Variants in IGSF21 observed in about 807,000 individuals in gnomAD.
IGSF21 encodes the protein immunoglobin superfamily member 21.
IGSF21 carries 28 observed loss-of-function variants against 46.8 expected under a neutral mutation model. The ratio of observed to expected loss-of-function variants is 0.60; its 90% CI spans 0.44 to 0.82. The LOEUF (loss-of-function observed/expected upper bound fraction) is 0.82. Ranked by LOEUF, IGSF21 falls within the 40% of genes least tolerant of loss-of-function variation. The pLI, the probability that IGSF21 is intolerant of heterozygous loss-of-function variation, is 0.00. For synonymous variants in IGSF21, 284 were observed against 273.6 expected, an observed-to-expected ratio of 1.04 and a Z score of -0.38; for missense variants, 624 against 665.5, an observed-to-expected ratio of 0.94 and a Z score of 0.69.
chr1:18,281,197 A>G (rs2124555724), intron 2 of IGSF21, among the ~76,000 whole-genome samples: 2 of 152,346 alleles, frequency 1.3e-5, no homozygotes, highest in South Asian at 4.1e-4. Flanking sequence ...ATGAATGAAC[A>G]GGTGAGTGAA....
chr1:18,167,000 T>C (rs2124452700), intron 1 of IGSF21: 1 of 153,380 alleles, frequency 6.5e-6, no homozygotes, highest in African/African-American at 2.4e-5. Flanking sequence ...GGAGACTCTG[T>C]TGTGGAAACA....
intron 1 of IGSF21, among the ~76,000 whole-genome samples, chr1:18,128,702 G>A (rs1467286852): frequency 2.0e-5 from 3 of 152,180 alleles, no homozygotes; most frequent in Admixed American, 6.5e-5. Context: ...CTGAGACTCA[G>A]AGATGAAACT....
chr1:18,278,581 T>C (rs995971272), intron 2 of IGSF21, among the ~76,000 whole-genome samples: 1 of 149,624 alleles, frequency 6.7e-6, no homozygotes, highest in African/African-American at 2.5e-5. Context: ...TGAGACAGGG[T>C]CTTGTCCTGT....
At chr1:18,256,709 G>A (rs564216694) in intron 2 of IGSF21, among the ~76,000 whole-genome samples, 2 of 152,164 alleles carry the variant, frequency 1.3e-5, no homozygotes, top group Admixed American at 6.5e-5. Flanking sequence ...AGCTGCTGCC[G>A]TTACCTCCTG....
intron 1 of IGSF21, among the ~76,000 whole-genome samples, chr1:18,132,624 G>T (rs1196197792): frequency 6.6e-6 from 1 of 152,162 alleles, no homozygotes; most frequent in African/African-American, 2.4e-5. Context: ...GGGCTGTCAG[G>T]CAAGGAGGGA....
intron 2 of IGSF21, among the ~76,000 whole-genome samples, chr1:18,288,199 T>C (rs2085233851): frequency 6.6e-6 from 1 of 152,120 alleles, no homozygotes. Context: ...AAATCAGCCT[T>C]GCTTCATGCT....
chr1:18,156,656 G>A (rs372091194), intron 1 of IGSF21, among the ~76,000 whole-genome samples: 1 of 152,196 alleles, frequency 6.6e-6, no homozygotes, highest in Non-Finnish European at 1.5e-5. Context: ...CTCAAATGTT[G>A]AGAAACCAGA....
intron 2 of IGSF21, among the ~76,000 whole-genome samples, chr1:18,276,059 C>T (rs2085100174): frequency 2.0e-5 from 3 of 152,208 alleles, no homozygotes; most frequent in Admixed American, 2.0e-4. Flanking sequence ...CTGTTTCCTG[C>T]TGTGCCCTGC....
chr1:18,362,115 C>T lies in IGSF21; in HGVS notation c.425C>T (p.Ala142Val). 1 of 1,603,536 alleles carries T rather than the reference C, an allele frequency of 6.2e-7. No individual in the cohort carries two copies. Residue 142 changes from alanine (A) to valine (V), a missense_variant and splice_region_variant, in exon 5 of 10, where the codon GCT becomes GTT. Coordinates refer to ENST00000251296, the MANE Select transcript of IGSF21 (RefSeq NM_032880.5). ...ASGNIFLNVM[A>V]PPTSIEVVAA... ...CTTCCTGTGCTTCCTTTTGGGGCAG[C>T]TCCTCCCACCTCCATTGAAGTGGTG... is the stretch of plus-strand genomic sequence containing the variant.
In IGSF21 at chr1:18,246,535, C is replaced by T. The variant is rs552188824; in HGVS notation, c.183+18525C>T. 5.9e-5 allele frequency among the ~76,000 whole-genome samples: 9 copies of T among 152,200 alleles called. 1 individual carries two copies. The South Asian group carries it at 6.2e-4, about 11-fold the overall frequency. ...TCTGTGGTCTTGTCCCCTCTGGCTT[C>T]CTGCAAAGATGGCAGCTGGTGTCTT... is the stretch of plus-strand genomic sequence containing the variant. On this transcript the variant is annotated intron_variant, in intron 2 of 9. Transcript: ENST00000251296.
At chr1:18,133,883 G>A (rs1234156636) in intron 1 of IGSF21, among the ~76,000 whole-genome samples, 1 of 152,200 alleles carries the variant, frequency 6.6e-6, no homozygotes, top group African/African-American at 2.4e-5. Flanking sequence ...ATGACCACAC[G>A]GGTCAGTGAC....
intron 1 of IGSF21, among the ~76,000 whole-genome samples, chr1:18,154,969 GGGGC>G (rs906622611): frequency 1.3e-5 from 2 of 152,064 alleles, no homozygotes. Flanking sequence ...GAGGGGAGCA[GGGGC>G]TAGGCAAATG....
chr1:18,233,031 A>G (rs1020813927), intron 2 of IGSF21, among the ~76,000 whole-genome samples: 1 of 152,206 alleles, frequency 6.6e-6, no homozygotes, highest in African/African-American at 2.4e-5. Flanking sequence ...GTCTGTTTAT[A>G]TCATGGAACT....
chr1:18,160,256 G>A (rs2086605818), intron 1 of IGSF21, among the ~76,000 whole-genome samples: 1 of 152,164 alleles, frequency 6.6e-6, no homozygotes, highest in Non-Finnish European at 1.5e-5. Context: ...CTAGCTCTGG[G>A]ACTTAACCAG....
intron 4 of IGSF21, among the ~76,000 whole-genome samples, chr1:18,352,076 G>C (rs1432825562): frequency 6.6e-6 from 1 of 152,208 alleles, no homozygotes; most frequent in Non-Finnish European, 1.5e-5. Flanking sequence ...GAGCTTTGGG[G>C]ATTTGAAGTC....
At position 18,349,703 on chromosome 1, in the gene IGSF21, A is replaced by T. The variant is rs74695961; in HGVS notation, c.425-12412A>T. Among the ~76,000 whole-genome samples, 506 of 152,150 alleles carry T rather than the reference A, an allele frequency of 3.3e-3. 6 individuals are homozygous for T. Among genetic ancestry groups the T allele is most frequent in the East Asian group, 0.023 (117 of 5,146 alleles). On this transcript the variant is annotated intron_variant, in intron 4 of 9. Transcript: ENST00000251296. Reference sequence around the variant, plus strand: ...GCAGGTGCCAGGTGTGGGTCTACATACTTTACGTAGTGCTCACAAGATCCC... The same window carrying T: ...GCAGGTGCCAGGTGTGGGTCTACATTCTTTACGTAGTGCTCACAAGATCCC...
chr1:18,191,654 G>T, intron 1 of IGSF21, among the ~76,000 whole-genome samples: 1 of 152,168 alleles, frequency 6.6e-6, no homozygotes, highest in Middle Eastern at 3.4e-3. Context: ...TGGGGAAGCC[G>T]GGCCCATCTG....
chr1:18,270,136 G>T (rs2085028963), intron 2 of IGSF21, among the ~76,000 whole-genome samples: 1 of 152,136 alleles, frequency 6.6e-6, no homozygotes, highest in South Asian at 2.1e-4. Context: ...TCCCCATTCT[G>T]CCTTCACAGC....
intron 4 of IGSF21, among the ~76,000 whole-genome samples, chr1:18,351,828 C>T (rs570135938): frequency 6.6e-6 from 1 of 152,350 alleles, no homozygotes; most frequent in South Asian, 2.1e-4. Flanking sequence ...GCAGACACGG[C>T]ACCTGTCGTG....
Sources: gnomAD v4.1 joint callset for allele counts (sites outside exome capture counted in the v4.1 genomes callset) on GRCh38, gnomAD v4.1.1 for gene constraint, MANE v1.5 for transcripts, NCBI Gene and HGNC (gene_info 2026-07-23, HGNC 2026-07-21) for gene names.